The following RNLS variants were observed in gnomAD, a reference collection of about 807,000 sequenced individuals.
RNLS encodes the protein renalase, FAD dependent amine oxidase.
A neutral mutation model predicts 39.8 loss-of-function variants in RNLS; 39 were observed. The ratio of observed to expected loss-of-function variants is 0.98; its 90% CI spans 0.76 to 1.28. The LOEUF (loss-of-function observed/expected upper bound fraction) is 1.28, where lower values mean the gene tolerates loss of function less well. Among genes scored for constraint, RNLS ranks in the 50% most tolerant of loss-of-function variants. The probability of loss-of-function intolerance (pLI) is 0.00; values close to 1 mark genes in which losing one functional copy is unlikely to be tolerated. For missense variants in RNLS, 410 were observed against 413.3 expected (o/e 0.99, Z 0.07); for synonymous variants, 147 against 150.7 (o/e 0.98, Z 0.18).
intron 5 of RNLS, among the ~76,000 whole-genome samples, chr10:88,361,334 T>C (rs1356245846): frequency 1.3e-5 from 2 of 152,220 alleles, no homozygotes; most frequent in African/African-American, 4.8e-5. Flanking sequence ...CAAATGTCTT[T>C]ATGCTATTAA....
At chr10:88,244,985 C>T in the RNLS span, among the ~76,000 whole-genome samples, 1 of 152,070 alleles carries the variant, frequency 6.6e-6, no homozygotes, top group African/African-American at 2.4e-5. Context: ...GCCACAGTGT[C>T]CTCGTGATCA....
At chr10:88,480,653 C>G (rs1242192041) in intron 4 of RNLS, among the ~76,000 whole-genome samples, 1 of 152,196 alleles carries the variant, frequency 6.6e-6, no homozygotes, top group Non-Finnish European at 1.5e-5. Flanking sequence ...AACTCCCGAC[C>G]TCAGGTGATC....
chr10:88,313,925 G>T (rs574975045), intron 6 of RNLS, among the ~76,000 whole-genome samples: 1 of 152,278 alleles, frequency 6.6e-6, no homozygotes, highest in Non-Finnish European at 1.5e-5. Flanking sequence ...GTGATCAGCA[G>T]GTTTAATTTA....
At chr10:88,251,585 T>C in the RNLS span, among the ~76,000 whole-genome samples, 1 of 152,222 alleles carries the variant, frequency 6.6e-6, no homozygotes, top group Non-Finnish European at 1.5e-5. Context: ...AAGGAGTTTG[T>C]TGGCATCTCT....
At chr10:88,446,172 G>A (rs1402934523) in intron 4 of RNLS, among the ~76,000 whole-genome samples, 76 of 151,954 alleles carry the variant, frequency 5.0e-4, no homozygotes, top group Non-Finnish European at 9.0e-4. Flanking sequence ...ACTCAAAACC[G>A]CTCAACTACA....
chr10:88,476,479 G>T (rs1780201835), intron 4 of RNLS, among the ~76,000 whole-genome samples: 1 of 152,110 alleles, frequency 6.6e-6, no homozygotes, highest in African/African-American at 2.4e-5. Context: ...TAATCTTGAT[G>T]CATATTATGA....
intron 4 of RNLS, among the ~76,000 whole-genome samples, chr10:88,397,183 A>T (rs1852611987): frequency 6.6e-6 from 1 of 152,026 alleles, no homozygotes; most frequent in South Asian, 2.1e-4. Context: ...TCAAGTGTAC[A>T]TGAGACATTC....
At chr10:88,459,092 T>C (rs1589829450) in intron 4 of RNLS, among the ~76,000 whole-genome samples, 2 of 113,660 alleles carry the variant, frequency 1.8e-5, no homozygotes, top group East Asian at 4.4e-4. Context: ...CTTTCTAGCT[T>C]TTTCTTTTTT....
At chr10:88,501,656 C>T (rs1367790865) in intron 4 of RNLS, among the ~76,000 whole-genome samples, 1 of 152,120 alleles carries the variant, frequency 6.6e-6, no homozygotes, top group Non-Finnish European at 1.5e-5. Context: ...AAAATATCTT[C>T]GTCATTTGCA....
At chr10:88,186,333 A>G in the RNLS span, among the ~76,000 whole-genome samples, 3 of 152,238 alleles carry the variant, frequency 2.0e-5, no homozygotes, top group African/African-American at 7.2e-5. Context: ...AGCCCTCAGG[A>G]TGGAGTTAAC....
chr10:88,324,024 G>A lies in RNLS; in HGVS notation c.701-9383C>T, dbSNP rs567282268. Among the ~76,000 whole-genome samples, 7 of 151,954 alleles carry A rather than the reference G, an allele frequency of 4.6e-5. No homozygotes were observed. The East Asian group carries it at 1.2e-3, about 25-fold the overall frequency. Reference sequence around the variant, plus strand: ...CATCAGAGAAATGCAAATCAAAATCGCAATGAGTTACCATCTCACACCAGT... The same window carrying A: ...CATCAGAGAAATGCAAATCAAAATCACAATGAGTTACCATCTCACACCAGT... On this transcript the variant is annotated intron_variant, in intron 5 of 6. Transcript: ENST00000331772.
At chr10:88,223,871 T>G in the RNLS span, among the ~76,000 whole-genome samples, 6 of 152,170 alleles carry the variant, frequency 3.9e-5, no homozygotes, top group African/African-American at 9.7e-5. Flanking sequence ...TAACATCGTC[T>G]GGCCCCAAGG....
intron 5 of RNLS, among the ~76,000 whole-genome samples, chr10:88,333,246 A>T (rs1847245594): frequency 6.6e-6 from 1 of 152,356 alleles, no homozygotes; most frequent in South Asian, 2.1e-4. Flanking sequence ...TAATGGAAAG[A>T]TATTATTAAA....
chr10:88,257,782 T>C, the RNLS span, among the ~76,000 whole-genome samples: 1 of 152,174 alleles, frequency 6.6e-6, no homozygotes, highest in Non-Finnish European at 1.5e-5. Context: ...CAGTCTACGA[T>C]ATTATCTTCA....
At position 88,440,085 on chromosome 10, in the gene RNLS, T is replaced by A. The variant is rs117640792; in HGVS notation, c.527-77360A>T. Among the ~76,000 whole-genome samples the A allele has an allele frequency of 8.5e-3, 1,289 of 152,330 alleles. 20 individuals are homozygous for A. The highest frequency in any genetic ancestry group is 0.033 in the East Asian group (169 of 5,178). ...TATCTTCATCTTCAATCTTATTTTC[T>A]TTATAGGTCCTAACAGGATTTATGT... On this transcript the variant is annotated intron_variant, in intron 4 of 6. Coordinates refer to ENST00000331772, the MANE Select transcript of RNLS (RefSeq NM_001031709.3).
chr10:88,177,383 AT>A, the RNLS span, among the ~76,000 whole-genome samples: 1 of 151,976 alleles, frequency 6.6e-6, no homozygotes, highest in African/African-American at 2.4e-5. Context: ...GCTTAATTGT[AT>A]TTTTTATTTC....
At chr10:88,581,294 G>GTGTGTATATATATATATA (rs1376395535) in intron 3 of RNLS, among the ~76,000 whole-genome samples, 1 of 129,870 alleles carries the variant, frequency 7.7e-6, no homozygotes, top group African/African-American at 3.0e-5. Context: ...GTGTGTGTGT[G>GTGTGTATATATATATATA]TATATATATA....
intron 4 of RNLS, among the ~76,000 whole-genome samples, chr10:88,379,426 A>C (rs1858499566): frequency 2.3e-5 from 1 of 43,178 alleles, no homozygotes; most frequent in Admixed American, 2.6e-4. Flanking sequence ...CTAAAATTTC[A>C]AATGATTTTT....
At chr10:88,203,080 C>T in the RNLS span, among the ~76,000 whole-genome samples, 1 of 151,466 alleles carries the variant, frequency 6.6e-6, no homozygotes, top group Admixed American at 6.6e-5. Context: ...CAAGGAAAAG[C>T]ACCTTAACTT....
Sources: allele counts gnomAD v4.1 joint callset (sites outside exome capture counted in the v4.1 genomes callset), GRCh38; gene constraint gnomAD v4.1.1; transcripts MANE v1.5; gene names NCBI Gene and HGNC (gene_info 2026-07-23, HGNC 2026-07-21).